Variants in IQCM observed in about 807,000 individuals in gnomAD.
The protein encoded by IQCM is IQ motif containing M.
A neutral mutation model predicts 57.6 loss-of-function variants in IQCM; 45 were observed. The ratio of observed to expected loss-of-function variants is 0.78; its 90% confidence interval spans 0.62 to 1.00. IQCM has a LOEUF of 1.00. Ranked by LOEUF, IQCM falls within the 50% of genes least tolerant of loss-of-function variation. The pLI is 0.00. For missense variants in IQCM, 468 were observed against 511.6 expected, an observed-to-expected ratio of 0.91 and a Z score of 0.82; for synonymous variants, 148 against 158.9, an observed-to-expected ratio of 0.93 and a Z score of 0.51.
chr4:149,680,021 G>A (rs1371132398), intron 7 of IQCM, among the ~76,000 whole-genome samples: 1 of 151,276 alleles, frequency 6.6e-6, no homozygotes, highest in Non-Finnish European at 1.5e-5. Context: ...ATAAGTTGGT[G>A]GCCATAATCT....
At chr4:149,624,882 G>C (rs937976668) in intron 7 of IQCM, among the ~76,000 whole-genome samples, 2 of 152,142 alleles carry the variant, frequency 1.3e-5, no homozygotes, top group Non-Finnish European at 2.9e-5. Flanking sequence ...TAAAACCAAA[G>C]ACATTACTGA....
At chr4:149,538,623 T>C (rs543709280) in intron 12 of IQCM, among the ~76,000 whole-genome samples, 1 of 152,054 alleles carries the variant, frequency 6.6e-6, no homozygotes, top group South Asian at 2.1e-4. Flanking sequence ...ATGCTCTCTA[T>C]AAGAAAACAC....
intron 12 of IQCM, among the ~76,000 whole-genome samples, chr4:149,515,780 G>T (rs1744896108): frequency 6.6e-6 from 1 of 152,176 alleles, no homozygotes; most frequent in African/African-American, 2.4e-5. Context: ...TTGGCTGGAT[G>T]GTCAGGGACT....
chr4:149,488,050 G>A (rs1231443500), intron 12 of IQCM, among the ~76,000 whole-genome samples: 1 of 151,962 alleles, frequency 6.6e-6, no homozygotes, highest in Non-Finnish European at 1.5e-5. Flanking sequence ...TTTCATCTGT[G>A]TGTGTTTTTT....
At chr4:149,538,603 ATC>A (rs1160916196) in intron 12 of IQCM, among the ~76,000 whole-genome samples, 3 of 152,010 alleles carry the variant, frequency 2.0e-5, no homozygotes, top group African/African-American at 7.2e-5. Flanking sequence ...TTTTTAAAAG[ATC>A]AAACTCTATG....
chr4:149,780,531 T>TTATATATATATATATATATATA (rs371081838), intron 2 of IQCM, among the ~76,000 whole-genome samples: 30 of 138,240 alleles, frequency 2.2e-4, no homozygotes, highest in Middle Eastern at 3.8e-3. Context: ...AATATGTAAG[T>TTATATATATATATATATATATA]TATATATATA....
intron 7 of IQCM, among the ~76,000 whole-genome samples, chr4:149,666,653 A>T (rs1436664765): frequency 6.6e-6 from 1 of 152,156 alleles, no homozygotes; most frequent in Non-Finnish European, 1.5e-5. Context: ...ACCCCTACAG[A>T]GCCCAACAAG....
intron 12 of IQCM, among the ~76,000 whole-genome samples, chr4:149,547,892 G>A (rs1317077765): frequency 6.6e-6 from 1 of 152,132 alleles, no homozygotes; most frequent in Non-Finnish European, 1.5e-5. Flanking sequence ...TCATACTTTT[G>A]TGACAATTTA....
intron 12 of IQCM, among the ~76,000 whole-genome samples, chr4:149,522,860 A>G (rs1745791514): frequency 6.6e-6 from 1 of 152,202 alleles, no homozygotes; most frequent in African/African-American, 2.4e-5. Flanking sequence ...AATACACAAA[A>G]TAGGTATATC....
At chr4:149,449,547 T>C (rs1736879960) in intron 12 of IQCM, among the ~76,000 whole-genome samples, 1 of 150,824 alleles carries the variant, frequency 6.6e-6, no homozygotes, top group South Asian at 2.1e-4. Context: ...TAAAAAATAG[T>C]AGCATTTCTA....
chr4:149,445,324 T>C (rs1342853611), intron 12 of IQCM, among the ~76,000 whole-genome samples: 2 of 151,840 alleles, frequency 1.3e-5, no homozygotes, highest in East Asian at 3.9e-4. Flanking sequence ...TGTAACCACA[T>C]TTAGATATAA....
intron 12 of IQCM, among the ~76,000 whole-genome samples, chr4:149,547,448 T>A (rs1748563757): frequency 2.0e-5 from 3 of 152,182 alleles, no homozygotes; most frequent in Admixed American, 2.0e-4. Flanking sequence ...AAAGTTGATA[T>A]AAAAGCATAG....
chr4:149,542,246 T>C (rs1267749391), intron 12 of IQCM, among the ~76,000 whole-genome samples: 2 of 152,106 alleles, frequency 1.3e-5, no homozygotes, highest in East Asian at 3.9e-4. Flanking sequence ...AAAAATATGC[T>C]TTTAAATTAA....
intron 13 of IQCM, among the ~76,000 whole-genome samples, chr4:149,426,677 A>C (rs1420414123): frequency 5.3e-5 from 8 of 152,060 alleles, no homozygotes; most frequent in Non-Finnish European, 8.8e-5. Flanking sequence ...AGAAGGTCTC[A>C]GTTCATCACC....
At chr4:149,497,354 T>C (rs1222275018) in intron 12 of IQCM, among the ~76,000 whole-genome samples, 2 of 151,972 alleles carry the variant, frequency 1.3e-5, no homozygotes, top group Admixed American at 1.3e-4. Context: ...AGGAGAAAAA[T>C]GTCATAGTAT....
intron 2 of IQCM, among the ~76,000 whole-genome samples, chr4:149,812,380 G>A (rs1432940925): frequency 1.3e-5 from 2 of 151,682 alleles, no homozygotes; most frequent in Non-Finnish European, 2.9e-5. Context: ...ATATTGTGAA[G>A]ATGCAAATAA....
intron 13 of IQCM, among the ~76,000 whole-genome samples, chr4:149,359,110 G>C (rs995030103): frequency 2.6e-5 from 4 of 152,102 alleles, no homozygotes; most frequent in Non-Finnish European, 5.9e-5. Context: ...TGGTGTTCCA[G>C]TTCATGTCAC....
intron 13 of IQCM, among the ~76,000 whole-genome samples, chr4:149,411,134 C>T (rs1296151344): frequency 6.6e-6 from 1 of 152,092 alleles, no homozygotes; most frequent in East Asian, 1.9e-4. Flanking sequence ...ACTTCTATTG[C>T]AATATCCCTG....
chr4:149,506,794 T>C (rs1237515738), intron 12 of IQCM, among the ~76,000 whole-genome samples: 2 of 152,092 alleles, frequency 1.3e-5, no homozygotes, highest in Non-Finnish European at 1.5e-5. Flanking sequence ...ACATCAGCCA[T>C]TGCCTGGTTA....
Sources: allele counts gnomAD v4.1 joint callset (sites outside exome capture counted in the v4.1 genomes callset), GRCh38; gene constraint gnomAD v4.1.1; transcripts MANE v1.5; gene names NCBI Gene and HGNC (gene_info 2026-07-23, HGNC 2026-07-21).